Variants in LINGO2 observed in about 807,000 individuals in gnomAD.
LINGO2 encodes the protein leucine rich repeat and Ig domain containing 2.
In LINGO2, 14 loss-of-function variants were observed where a neutral mutation model predicts 30.6. The observed-to-expected ratio is 0.46, with a 90% CI of 0.30 to 0.72. The LOEUF (loss-of-function observed/expected upper bound fraction) is 0.72, where lower values mean the gene tolerates loss of function less well. Among genes scored for constraint, LINGO2 ranks in the 30% least tolerant of loss-of-function variants. LINGO2 has a pLI of 0.07. For missense variants in LINGO2, 729 were observed against 751.7 expected (o/e 0.97, Z 0.35); for synonymous variants, 317 against 288.5 (o/e 1.10, Z -1.00).
chr9:29,149,263 T>G, the LINGO2 span, among the ~76,000 whole-genome samples: 1 of 152,054 alleles, frequency 6.6e-6, no homozygotes, highest in African/African-American at 2.4e-5. Flanking sequence ...TTTTAGTAAC[T>G]TATCTGCTTG....
At chr9:28,685,825 A>G in the LINGO2 span, among the ~76,000 whole-genome samples, 1 of 152,134 alleles carries the variant, frequency 6.6e-6, no homozygotes. Flanking sequence ...GTCTAGACAT[A>G]CGTATTTCCT....
At chr9:27,967,313 C>G (rs1421466230) in intron 5 of LINGO2, among the ~76,000 whole-genome samples, 2 of 152,044 alleles carry the variant, frequency 1.3e-5, no homozygotes, top group Non-Finnish European at 2.9e-5. Context: ...GAAGTCCTTT[C>G]CATTTGACAT....
intron 2 of LINGO2, among the ~76,000 whole-genome samples, chr9:28,409,009 T>G (rs1235477427): frequency 6.6e-6 from 1 of 152,014 alleles, no homozygotes; most frequent in Non-Finnish European, 1.5e-5. Flanking sequence ...TATTACCATA[T>G]GACACTAAGA....
chr9:29,071,101 AAT>A, the LINGO2 span, among the ~76,000 whole-genome samples: 1 of 150,680 alleles, frequency 6.6e-6, no homozygotes, highest in Non-Finnish European at 1.5e-5. Context: ...ATATATGATG[AAT>A]ATATAATTAA....
At chr9:28,908,213 C>A in the LINGO2 span, among the ~76,000 whole-genome samples, 44 of 151,520 alleles carry the variant, frequency 2.9e-4, no homozygotes, top group African/African-American at 1.0e-3. Flanking sequence ...TGTGATAGTA[C>A]AATCAAAGGC....
At chr9:27,942,690 A>T in the LINGO2 span, 1 of 152,170 alleles carries the variant, frequency 6.6e-6, no homozygotes, top group Admixed American at 6.5e-5. Context: ...TTGATAAAAG[A>T]CATTAAAGGA....
the LINGO2 span, among the ~76,000 whole-genome samples, chr9:28,998,126 C>T: frequency 6.6e-6 from 1 of 152,132 alleles, no homozygotes; most frequent in Non-Finnish European, 1.5e-5. Context: ...GGCAAATCTA[C>T]AGAAGCAACC....
the LINGO2 span, among the ~76,000 whole-genome samples, chr9:28,842,166 C>T: frequency 1.3e-5 from 2 of 151,822 alleles, no homozygotes; most frequent in African/African-American, 4.9e-5. Flanking sequence ...CTCTACATGA[C>T]TAAAGGGCTG....
intron 4 of LINGO2, among the ~76,000 whole-genome samples, chr9:28,252,288 T>C (rs1424507506): frequency 2.6e-5 from 4 of 152,098 alleles, no homozygotes; most frequent in African/African-American, 9.7e-5. Flanking sequence ...TGCAGTGGTG[T>C]GATCTTGGCT....
At chr9:28,474,372 T>TA (rs141571776) in intron 2 of LINGO2, among the ~76,000 whole-genome samples, 1,558 of 151,110 alleles carry the variant, frequency 0.01, 20 homozygotes, top group African/African-American at 0.036. Flanking sequence ...CAGCTTAACT[T>TA]ACCTTCTCAA....
At chr9:29,052,835 T>C in the LINGO2 span, among the ~76,000 whole-genome samples, 2 of 152,244 alleles carry the variant, frequency 1.3e-5, no homozygotes, top group Admixed American at 6.5e-5. Context: ...CAACCATTAG[T>C]TGGTCAATTA....
At chr9:28,142,822 A>G (rs941640272) in intron 4 of LINGO2, among the ~76,000 whole-genome samples, 4 of 152,074 alleles carry the variant, frequency 2.6e-5, no homozygotes, top group African/African-American at 9.7e-5. Context: ...AACCTCTACT[A>G]TTATTTTTGT....
upstream of LINGO2, among the ~76,000 whole-genome samples, chr9:28,672,341 T>G (rs917977264): frequency 6.6e-6 from 1 of 152,226 alleles, no homozygotes; most frequent in Non-Finnish European, 1.5e-5. Flanking sequence ...TAAATCTGTA[T>G]AGTATTCACT....
chr9:28,720,362 G>A, the LINGO2 span, among the ~76,000 whole-genome samples: 5 of 151,984 alleles, frequency 3.3e-5, no homozygotes, highest in African/African-American at 1.2e-4. Flanking sequence ...TTCCTTTCAA[G>A]GTTCATGCCA....
intron 4 of LINGO2, among the ~76,000 whole-genome samples, chr9:28,214,100 A>C (rs1820685305): frequency 6.6e-6 from 1 of 151,582 alleles, no homozygotes; most frequent in South Asian, 2.1e-4. Context: ...GGAGGATACA[A>C]TTTTAATATT....
intron 4 of LINGO2, among the ~76,000 whole-genome samples, chr9:28,178,181 G>A (rs979454533): frequency 1.3e-5 from 2 of 152,050 alleles, no homozygotes; most frequent in Non-Finnish European, 2.9e-5. Context: ...ACACCTCAGG[G>A]CATAAAACAT....
chr9:28,959,218 A>T, the LINGO2 span, among the ~76,000 whole-genome samples: 1 of 152,064 alleles, frequency 6.6e-6, no homozygotes, highest in African/African-American at 2.4e-5. Flanking sequence ...GAGGGTAGAG[A>T]TGAAAGAAAA....
chr9:28,029,045 G>T (rs1447360320), intron 4 of LINGO2, among the ~76,000 whole-genome samples: 1 of 152,172 alleles, frequency 6.6e-6, no homozygotes, highest in African/African-American at 2.4e-5. Context: ...GGGGCTAGAT[G>T]AGAGTGAGTA....
the LINGO2 span, among the ~76,000 whole-genome samples, chr9:29,207,663 T>G: frequency 6.6e-6 from 1 of 152,104 alleles, no homozygotes; most frequent in Non-Finnish European, 1.5e-5. Flanking sequence ...TTCCCAGGTT[T>G]GCATTTAGTC....
Sources: gnomAD v4.1 joint callset for allele counts (sites outside exome capture counted in the v4.1 genomes callset) on GRCh38, gnomAD v4.1.1 for gene constraint, MANE v1.5 for transcripts, NCBI Gene and HGNC (gene_info 2026-07-23, HGNC 2026-07-21) for gene names.